TGFBR1: variants seen among roughly 807,000 people sequenced by gnomAD.
TGFBR1 encodes TGF-beta receptor type-1.
In TGFBR1, 20 loss-of-function variants were observed where a neutral mutation model predicts 55.1. The observed-to-expected ratio is 0.36, with a 90% CI of 0.26 to 0.53. The LOEUF (loss-of-function observed/expected upper bound fraction) is 0.53. Ranked by LOEUF, TGFBR1 falls within the 20% of genes least tolerant of loss-of-function variation. The pLI, the probability that TGFBR1 is intolerant of heterozygous loss-of-function variation, is 0.91. For synonymous variants in TGFBR1, 220 were observed against 214.8 expected (o/e 1.02, Z -0.21); for missense variants, 385 against 617.6 (o/e 0.62, Z 3.99).
intron 1 of TGFBR1, among the ~76,000 whole-genome samples, chr9:99,121,390 CAT>C (rs1826894861): frequency 6.6e-6 from 1 of 152,050 alleles, no homozygotes; most frequent in African/African-American, 2.4e-5. Context: ...AGATAAGCAA[CAT>C]ATTTAATAAA....
At chr9:99,134,828 ATATATATATATATATATATATAT>A (rs1827377928) in intron 3 of TGFBR1, among the ~76,000 whole-genome samples, 1 of 111,254 alleles carries the variant, frequency 9.0e-6, no homozygotes, top group African/African-American at 3.2e-5. Flanking sequence ...ATATATATAT[ATATATATATATATATATATATAT>A]ATTTCTAGAT....
At chr9:99,142,117 G>A (rs199526113) in intron 4 of TGFBR1, among the ~76,000 whole-genome samples, 70 of 152,100 alleles carry the variant, frequency 4.6e-4, no homozygotes, top group African/African-American at 1.7e-3. Flanking sequence ...ACTGGTCTCC[G>A]GAGACTTCTC....
Position 99,147,719 on chromosome 9 carries a change from A to G in TGFBR1, c.1321A>G (p.Met441Val). The change falls in exon 8 of 9, where the codon ATG becomes GTG. Residue 441 changes from methionine (M) to valine (V), a missense_variant. Met to Val is a conservative substitution (Grantham distance 21). Coordinates refer to ENST00000374994, the MANE Select transcript of TGFBR1 (RefSeq NM_004612.4). ...LVPSDPSVEE[M>V]RKVVCEQKLR... is the part of the protein sequence containing the mutation. ...ACCTTCTGACCCATCAGTTGAAGAAATGAGAAAAGTTGTTTGTGAACAGAA... is the reference window on the plus strand; with the variant it reads ...ACCTTCTGACCCATCAGTTGAAGAAGTGAGAAAAGTTGTTTGTGAACAGAA... 2.5e-6 allele frequency: 4 copies of G among 1,613,848 alleles called. No individual in the cohort carries two copies. The highest frequency in any genetic ancestry group is 3.4e-6 in the Non-Finnish European group (4 of 1,179,836).
chr9:99,126,805 G>C (rs577860961), intron 1 of TGFBR1, among the ~76,000 whole-genome samples: 1 of 152,130 alleles, frequency 6.6e-6, no homozygotes, highest in Non-Finnish European at 1.5e-5. Flanking sequence ...TATTACGATT[G>C]TGTCTCTTTC....
chr9:99,106,434 A>AT (rs1564122685), intron 1 of TGFBR1, among the ~76,000 whole-genome samples: 1 of 152,204 alleles, frequency 6.6e-6, no homozygotes, highest in Non-Finnish European at 1.5e-5. Context: ...AGATGTTGAA[A>AT]TTTTTTTAAA....
intron 1 of TGFBR1, among the ~76,000 whole-genome samples, chr9:99,113,566 C>T (rs1826646718): frequency 1.3e-5 from 2 of 152,166 alleles, no homozygotes; most frequent in South Asian, 4.1e-4. Flanking sequence ...AGAGTCTAAT[C>T]AGTGTATCTG....
intron 1 of TGFBR1, among the ~76,000 whole-genome samples, chr9:99,112,152 A>G (rs1351201824): frequency 6.6e-6 from 1 of 152,180 alleles, no homozygotes; most frequent in African/African-American, 2.4e-5. Flanking sequence ...AAGAATGTCT[A>G]ATTGTGCCGC....
intron 1 of TGFBR1, among the ~76,000 whole-genome samples, chr9:99,109,201 G>A (rs1360017108): frequency 6.6e-6 from 1 of 152,148 alleles, no homozygotes; most frequent in East Asian, 1.9e-4. Context: ...AATGATTAAA[G>A]CCTTAAAGTT....
intron 1 of TGFBR1, among the ~76,000 whole-genome samples, chr9:99,107,744 T>G (rs75584220): frequency 0.01 from 1,567 of 152,344 alleles, 28 homozygotes; most frequent in Admixed American, 0.051. Context: ...AGCTTATGAT[T>G]GGGGCCATCT....
At chr9:99,122,571 C>T (rs1826927137) in intron 1 of TGFBR1, among the ~76,000 whole-genome samples, 1 of 152,058 alleles carries the variant, frequency 6.6e-6, no homozygotes, top group Admixed American at 6.6e-5. Context: ...TGAATAATAA[C>T]CCCAAGGGTC....
At chr9:99,115,717 T>C (rs1826715921) in intron 1 of TGFBR1, among the ~76,000 whole-genome samples, 1 of 152,212 alleles carries the variant, frequency 6.6e-6, no homozygotes, top group Admixed American at 6.5e-5. Context: ...TTTCTCCAGT[T>C]GAAAAACTGA....
chr9:99,131,328 C>A (rs538811970), intron 2 of TGFBR1, among the ~76,000 whole-genome samples: 5 of 152,202 alleles, frequency 3.3e-5, no homozygotes, highest in Middle Eastern at 3.4e-3. Context: ...AAGGCAACAG[C>A]CTTCTTGCCA....
Position 99,114,002 on chromosome 9 carries a change from T to G in TGFBR1, c.97+8700T>G, listed in dbSNP as rs573713382. The stretch of plus-strand genomic sequence containing the variant: ...TTTCTCCTCTAAAATTCTGTACTTT[T>G]GGGCATAATCCAAGCTTCCTTGCTT... On this transcript the variant is annotated intron_variant, in intron 1 of 8. Coordinates refer to ENST00000374994, the MANE Select transcript of TGFBR1 (RefSeq NM_004612.4). Among the ~76,000 whole-genome samples the G allele has an allele frequency of 2.0e-5, 3 of 152,324 alleles. No homozygotes were observed. In the South Asian group the frequency reaches 6.2e-4, roughly 32 times the overall value.
At chr9:99,133,635 C>T (rs1004200375) in intron 3 of TGFBR1, among the ~76,000 whole-genome samples, 1 of 152,168 alleles carries the variant, frequency 6.6e-6, no homozygotes, top group Non-Finnish European at 1.5e-5. Context: ...CCTCTTTGGG[C>T]TTCTGTTTCC....
chr9:99,127,855 C>A, intron 1 of TGFBR1: 1 of 446,718 alleles, frequency 2.2e-6, no homozygotes. Flanking sequence ...CACATTCTAT[C>A]ATTGTGATTC....
rs566933997 is a variant in TGFBR1 at position 99,118,575 on chromosome 9, G to T, written c.98-10280G>T. On this transcript the variant is annotated intron_variant, in intron 1 of 8. Transcript: ENST00000374994. Reference sequence around the variant, plus strand: ...TTTTTAAAAATCATGAATAGCTGTTGAATTTTATCAGTTTTTTTGTTTTTG... The same window carrying T: ...TTTTTAAAAATCATGAATAGCTGTTTAATTTTATCAGTTTTTTTGTTTTTG... Among the ~76,000 whole-genome samples, 3 of 151,056 alleles carry T rather than the reference G, an allele frequency of 2.0e-5. No individual in the cohort carries two copies. In the South Asian group the frequency reaches 6.3e-4, roughly 32 times the overall value.
intron 8 of TGFBR1, 70 bp from the exon 9 acceptor site, chr9:99,149,110 G>A (rs1324066661): frequency 1.2e-5 from 18 of 1,501,914 alleles, no homozygotes; most frequent in South Asian, 8.6e-5. Context: ...AAATTTACAC[G>A]TAAAAATTCT....
At chr9:99,120,173 C>T (rs991157003) in intron 1 of TGFBR1, among the ~76,000 whole-genome samples, 1 of 152,120 alleles carries the variant, frequency 6.6e-6, no homozygotes, top group African/African-American at 2.4e-5. Context: ...TAAGTGACTT[C>T]CTCAGGATTA....
At chr9:99,106,050 C>T (rs1278844170) in intron 1 of TGFBR1, among the ~76,000 whole-genome samples, 3 of 152,228 alleles carry the variant, frequency 2.0e-5, no homozygotes, top group Non-Finnish European at 4.4e-5. Context: ...AGTAACCAGA[C>T]GGCTACGGAT....
Sources: allele counts gnomAD v4.1 joint callset (sites outside exome capture counted in the v4.1 genomes callset), GRCh38; gene constraint gnomAD v4.1.1; transcripts MANE v1.5; gene names NCBI Gene and HGNC (gene_info 2026-07-23, HGNC 2026-07-21).